Variants in MN1 observed in about 807,000 individuals in gnomAD.
The protein encoded by MN1 is transcriptional activator MN1.
MN1 carries 19 observed loss-of-function variants against 86.9 expected under a neutral mutation model. That is an observed-to-expected ratio of 0.22 (90% CI 0.15 to 0.32). MN1 has a LOEUF of 0.32. Among genes scored for constraint, MN1 ranks in the 10% least tolerant of loss-of-function variants. The pLI, the probability that MN1 is intolerant of heterozygous loss-of-function variation, is 1.00. For missense variants in MN1, 1,841 were observed against 1,862.0 expected, an observed-to-expected ratio of 0.99 and a Z score of 0.21; for synonymous variants, 928 against 849.6, an observed-to-expected ratio of 1.09 and a Z score of -1.60.
intron 1 of MN1, among the ~76,000 whole-genome samples, chr22:27,770,771 C>T (rs1932907667): frequency 6.6e-6 from 1 of 151,564 alleles, no homozygotes. Flanking sequence ...CAATCCCCCA[C>T]CTCAACCTTC....
intron 1 of MN1, among the ~76,000 whole-genome samples, chr22:27,766,528 A>C (rs950939733): frequency 6.6e-6 from 1 of 152,130 alleles, no homozygotes; most frequent in African/African-American, 2.4e-5. Context: ...TCTCCAGACA[A>C]GACAAATTTT....
intron 1 of MN1, among the ~76,000 whole-genome samples, chr22:27,760,298 T>A (rs571316028): frequency 1.3e-5 from 2 of 150,556 alleles, no homozygotes; most frequent in Non-Finnish European, 3.0e-5. Context: ...TGAGCCGAGA[T>A]CACACCATTG....
At chr22:27,789,248 A>G (rs1044450360) in intron 1 of MN1, among the ~76,000 whole-genome samples, 5 of 152,106 alleles carry the variant, frequency 3.3e-5, no homozygotes, top group African/African-American at 1.2e-4. Context: ...CCAACTTTCC[A>G]AAGATCTTCT....
At chr22:27,755,433 T>G (rs1277267469) in intron 1 of MN1, among the ~76,000 whole-genome samples, 10 of 152,186 alleles carry the variant, frequency 6.6e-5, no homozygotes, top group South Asian at 2.1e-4. Context: ...TCTTGGGGAC[T>G]GATGGGCATG....
In MN1 at chr22:27,781,854, G is replaced by GCT. The variant is rs148328533; in HGVS notation, c.3781+14907_3781+14908dup. 1.5e-3 allele frequency among the ~76,000 whole-genome samples: 217 copies of GCT among 148,780 alleles called. 4 individuals are homozygous for GCT. The South Asian group carries it at 0.024, about 16-fold the overall frequency. Reference sequence around the variant, plus strand: ...GGCAGGGACGCTCATTCACTCTCAAGCTCTCTCTCTCTCTCTCTCTTGCTC... The same window carrying GCT: ...GGCAGGGACGCTCATTCACTCTCAAGCTCTCTCTCTCTCTCTCTCTCTTGCTC... On this transcript the variant is annotated intron_variant, in intron 1 of 1. Transcript: ENST00000302326.
At chr22:27,788,706 T>C (rs1270335146) in intron 1 of MN1, among the ~76,000 whole-genome samples, 1 of 151,412 alleles carries the variant, frequency 6.6e-6, no homozygotes, top group Non-Finnish European at 1.5e-5. Context: ...CGTGTGTGTG[T>C]GCACGCACGT....
intron 1 of MN1, among the ~76,000 whole-genome samples, chr22:27,784,960 C>T (rs1001682840): frequency 7.9e-5 from 12 of 151,824 alleles, no homozygotes; most frequent in African/African-American, 2.9e-4. Context: ...TGGTATGAGT[C>T]CCTTTAGCCA....
chr22:27,790,621 C>T (rs1601339613), intron 1 of MN1, among the ~76,000 whole-genome samples: 1 of 146,540 alleles, frequency 6.8e-6, no homozygotes, highest in East Asian at 2.0e-4. Flanking sequence ...AAAAAGATTA[C>T]AATAAAGGCT....
intron 1 of MN1, among the ~76,000 whole-genome samples, chr22:27,756,818 C>T (rs1184463027): frequency 6.6e-6 from 1 of 152,176 alleles, no homozygotes; most frequent in Non-Finnish European, 1.5e-5. Flanking sequence ...TGCAGTGGCA[C>T]AATCATAGCT....
At position 27,797,689 on chromosome 22, in the gene MN1, T is replaced by A; in HGVS notation, c.2855A>T (p.His952Leu). 1 of 1,609,032 alleles carries A rather than the reference T, an allele frequency of 6.2e-7. No individual in the cohort carries two copies. The highest frequency in any genetic ancestry group is 1.3e-5 in the African/African-American group (1 of 74,970). The change falls in exon 1 of 2, where the codon CAC becomes CTC. Residue 952 changes from histidine (H) to leucine (L), a missense_variant. By Grantham distance (99) the His-to-Leu change is moderately conservative. Transcript: ENST00000302326. ...GTCAAAGAAGGTGCCAGGGCTCACG[T>A]GACCACTGTCCCTTTTTCTGCGACC... is the stretch of plus-strand genomic sequence containing the variant. ...GRGRRKRDSG[H>L]VSPGTFFDKY...
chr22:27,771,178 C>A (rs1039488345), intron 1 of MN1, among the ~76,000 whole-genome samples: 1 of 151,232 alleles, frequency 6.6e-6, no homozygotes, highest in African/African-American at 2.4e-5. Context: ...AACTCTATAA[C>A]CCCATGAGCT....
At chr22:27,774,253 A>G (rs1191903557) in intron 1 of MN1, among the ~76,000 whole-genome samples, 11 of 152,242 alleles carry the variant, frequency 7.2e-5, no homozygotes, top group Non-Finnish European at 1.6e-4. Flanking sequence ...ACAGGGCAAC[A>G]GAGGCCTGGC....
intron 1 of MN1, among the ~76,000 whole-genome samples, chr22:27,774,476 G>A (rs1932951318): frequency 6.6e-6 from 1 of 152,192 alleles, no homozygotes; most frequent in Non-Finnish European, 1.5e-5. Context: ...GGTCAGACTA[G>A]GGCAGGGCCT....
intron 1 of MN1, among the ~76,000 whole-genome samples, chr22:27,788,441 G>T (rs1933166684): frequency 6.6e-6 from 1 of 151,998 alleles, no homozygotes; most frequent in East Asian, 1.9e-4. Flanking sequence ...CTGAGCTTTG[G>T]GGATTTCAAA....
Position 27,800,482 on chromosome 22 carries a change from C to T in MN1, c.62G>A (p.Arg21Lys). 6.2e-7 allele frequency: 1 copy of T among 1,614,200 alleles called. No individual in the cohort carries two copies. The highest frequency in any genetic ancestry group is 1.3e-5 in the African/African-American group (1 of 75,066). ...VNSRNAGQGE[R>K]NFNETGLSMN... ...GCTCAGTCCGGTCTCGTTAAAGTTC[C>T]TCTCGCCCTGGCCAGCGTTCCTGCT... The change falls in exon 1 of 2, where the codon AGG becomes AAG. Residue 21 changes from arginine (R) to lysine (K), a missense_variant. Transcript: ENST00000302326.
chr22:27,757,565 C>A (rs1357003021), intron 1 of MN1, among the ~76,000 whole-genome samples: 1 of 152,212 alleles, frequency 6.6e-6, no homozygotes, highest in Non-Finnish European at 1.5e-5. Flanking sequence ...ATGACTCTCG[C>A]CCAACTCACC....
chr22:27,753,601 C>T (rs1282583406), intron 1 of MN1, among the ~76,000 whole-genome samples: 1 of 152,204 alleles, frequency 6.6e-6, no homozygotes, highest in Non-Finnish European at 1.5e-5. Flanking sequence ...GAAACAGGAG[C>T]CTTTGCCCCA....
intron 1 of MN1, among the ~76,000 whole-genome samples, chr22:27,784,182 G>C (rs1463601543): frequency 6.6e-6 from 1 of 152,174 alleles, no homozygotes; most frequent in Non-Finnish European, 1.5e-5. Flanking sequence ...CAGAAGCCAG[G>C]AGCAGGGGAT....
At chr22:27,784,991 T>C (rs55794988) in intron 1 of MN1, among the ~76,000 whole-genome samples, 20 of 151,978 alleles carry the variant, frequency 1.3e-4, no homozygotes, top group Non-Finnish European at 2.1e-4. Flanking sequence ...TGCAATCGTT[T>C]TTTGGTTGGA....
Sources: allele counts gnomAD v4.1 joint callset (sites outside exome capture counted in the v4.1 genomes callset), GRCh38; gene constraint gnomAD v4.1.1; transcripts MANE v1.5; gene names NCBI Gene and HGNC (gene_info 2026-07-23, HGNC 2026-07-21).